Variants in BMP8B observed in about 807,000 individuals in gnomAD.
The protein encoded by BMP8B is bone morphogenetic protein 8b.
A neutral mutation model predicts 30.3 loss-of-function variants in BMP8B; 17 were observed. The ratio of observed to expected loss-of-function variants is 0.56; its 90% CI spans 0.38 to 0.84. BMP8B has a LOEUF of 0.84. BMP8B is among the 40% of genes least tolerant of loss of function. The pLI, the probability that BMP8B is intolerant of heterozygous loss-of-function variation, is 0.00. For missense variants in BMP8B, 253 were observed against 494.6 expected (o/e 0.51, Z 4.63); for synonymous variants, 131 against 214.7 (o/e 0.61, Z 3.41).
chr1:39,778,824 C>T (rs1650414015), intron 1 of BMP8B, among the ~76,000 whole-genome samples: 1 of 152,222 alleles, frequency 6.6e-6, no homozygotes, highest in South Asian at 2.1e-4. Context: ...GACGCATCCT[C>T]TCTTGCCTAT....
In BMP8B at chr1:39,770,575, G is replaced by A. The variant is rs1395063845; in HGVS notation, c.673+3733C>T. 3 of 1,605,602 alleles carry A rather than the reference G, an allele frequency of 1.9e-6. 1 individual carries two copies. The South Asian group carries it at 3.3e-5, about 18-fold the overall frequency. On this transcript the variant is annotated intron_variant, in intron 3 of 6. Transcript: ENST00000372827. ...TGCACATGGGCACGTTGAAATTGCG[G>A]GCGCTTCTCCTGAAGACCACGTTTC... is the stretch of plus-strand genomic sequence containing the variant.
intron 1 of BMP8B, among the ~76,000 whole-genome samples, chr1:39,779,153 AAC>A (rs1275646756): frequency 1.3e-5 from 2 of 152,182 alleles, no homozygotes; most frequent in Non-Finnish European, 2.9e-5. Flanking sequence ...CCCTCCTATC[AAC>A]AGACACCCGA....
At chr1:39,775,220 A>T (rs1650140395) in intron 1 of BMP8B, among the ~76,000 whole-genome samples, 182 bp from the exon 2 acceptor site, 2 of 152,172 alleles carry the variant, frequency 1.3e-5, no homozygotes, top group African/African-American at 4.8e-5. Context: ...CCCGGGGTGT[A>T]GACAGGGCCA....
Position 39,763,206 on chromosome 1 carries a change from G to A in BMP8B, c.949-4C>T, listed in dbSNP as rs762887771. 2.4e-5 allele frequency: 39 copies of A among 1,607,674 alleles called. No homozygotes were observed. Among genetic ancestry groups the A allele is most frequent in the Non-Finnish European group, 3.3e-5 (39 of 1,176,196 alleles). On this transcript the variant is annotated splice_region_variant and splice_polypyrimidine_tract_variant and intron_variant, in intron 5 of 6. Transcript: ENST00000372827. ...CTTGGGGAGCGATGACCCAGTCCTG[G>A]GGGGCAAGGGAGAAGGTGAGTCCCA...
intron 1 of BMP8B, among the ~76,000 whole-genome samples, chr1:39,777,080 C>T (rs752910794): frequency 4.6e-5 from 7 of 152,120 alleles, no homozygotes; most frequent in Admixed American, 6.5e-5. Context: ...TTCTCTCAGG[C>T]GTTGCTGATA....
At position 39,788,616 on chromosome 1, in the gene BMP8B, G is replaced by T; in HGVS notation, c.-131C>A. 1 of 824,082 alleles carries T rather than the reference G, an allele frequency of 1.2e-6. No homozygotes were observed. Among genetic ancestry groups the T allele is most frequent in the Non-Finnish European group, 1.5e-6 (1 of 683,874 alleles). 51.0% of individuals were successfully genotyped at this position (824,082 alleles called of 1,614,324 possible). Reference sequence around the variant, plus strand: ...GGCGGCGGGCGGCGGGGCGGGGCGGGACGGGCGGCGACCGCGGCCTCAGCG... The same window carrying T: ...GGCGGCGGGCGGCGGGGCGGGGCGGTACGGGCGGCGACCGCGGCCTCAGCG... On this transcript the variant is annotated 5_prime_UTR_variant, in exon 1 of 7. Transcript: ENST00000372827. This position sits in a 1 kb window ranked among gnomAD's most constrained non-coding sequence, Gnocchi z 5.8.
At chr1:39,770,381 G>A in intron 3 of BMP8B, 1 of 1,598,888 alleles carries the variant, frequency 6.3e-7, no homozygotes, top group Non-Finnish European at 8.5e-7. Flanking sequence ...TTCCTTTCCA[G>A]CGTCTCCATC....
At chr1:39,771,257 G>T in intron 3 of BMP8B, 1 of 1,512,994 alleles carries the variant, frequency 6.6e-7, no homozygotes, top group East Asian at 2.5e-5. Flanking sequence ...CGCCGCCATA[G>T]TCGGCCCGGG....
Position 39,760,397 on chromosome 1 carries a change from C to T in BMP8B, c.*22G>A, listed in dbSNP as rs1207396538. 4 of 1,612,504 alleles carry T rather than the reference C, an allele frequency of 2.5e-6. No homozygotes were observed. The highest frequency in any genetic ancestry group is 3.4e-6 in the Non-Finnish European group (4 of 1,179,882). On this transcript the variant is annotated 3_prime_UTR_variant, in exon 7 of 7. Transcript: ENST00000372827. ...CCGATCCAGATGAGAAGGGTGGCTGCAGCTGGGCCGGGCGGGTGGACTCAG... is the reference window on the plus strand; with the variant it reads ...CCGATCCAGATGAGAAGGGTGGCTGTAGCTGGGCCGGGCGGGTGGACTCAG...
intron 1 of BMP8B, among the ~76,000 whole-genome samples, chr1:39,783,959 G>C (rs559925020): frequency 6.6e-6 from 1 of 152,168 alleles, no homozygotes; most frequent in Non-Finnish European, 1.5e-5. Flanking sequence ...TACATCACAC[G>C]TTCCCATTCA....
chr1:39,781,411 T>G (rs956640979), intron 1 of BMP8B, among the ~76,000 whole-genome samples: 11 of 152,180 alleles, frequency 7.2e-5, no homozygotes, highest in Non-Finnish European at 1.5e-4. Context: ...AAGCTGACAT[T>G]TATTGAGCAC....
In BMP8B at chr1:39,760,472, C is replaced by T. The variant is rs749563176; in HGVS notation, c.1156G>A (p.Val386Ile). ...SVLYYDSSNN[V>I]ILRKHRNMVV... ...ATGTTGCGGTGCTTGCGCAGGATGA[C>T]ATTGTTGCTGCTGTCATAGTAGAGC... The change falls in exon 7 of 7, where the codon GTC (valine) becomes ATC (isoleucine). Residue 386 changes from valine to isoleucine, a missense_variant. By Grantham distance (29) the Val-to-Ile change is conservative. Coordinates refer to ENST00000372827, the MANE Select transcript of BMP8B (RefSeq NM_001720.5). 1 of 1,614,186 alleles carries T rather than the reference C, an allele frequency of 6.2e-7. No homozygotes were observed. Among genetic ancestry groups the T allele is most frequent in the Non-Finnish European group, 8.5e-7 (1 of 1,180,020 alleles).
chr1:39,764,461 G>C (rs1466394744), intron 4 of BMP8B, among the ~76,000 whole-genome samples, 162 bp downstream of exon 4: 1 of 151,650 alleles, frequency 6.6e-6, no homozygotes, highest in Non-Finnish European at 1.5e-5. Context: ...CCGGTCACCA[G>C]GGTGCATCAG....
chr1:39,788,403 G>T lies in BMP8B; in HGVS notation c.83C>A (p.Pro28Gln). The T allele has an allele frequency of 9.3e-7, 1 of 1,073,518 alleles. No individual in the cohort carries two copies. Among genetic ancestry groups the T allele is most frequent in the Non-Finnish European group, 1.1e-6 (1 of 888,540 alleles). 66.5% of individuals were successfully genotyped at this position (1,073,518 alleles called of 1,614,324 possible). A position where few individuals can be genotyped will look rare whatever the true frequency, so the allele number is the denominator to read the frequency against. ...CAGACGTCGCTGGGGACAGCCGGGC[G>T]GGGGTCGCAGGCCGGGGCCGCCCCC... ...LGGGGPGLRPPPGCPQRRLGA... is the reference protein window; with the variant it reads ...LGGGGPGLRPQPGCPQRRLGA... Residue 28 changes from proline to glutamine, a missense_variant, in exon 1 of 7, where the codon CCG becomes CAG. By Grantham distance (76) the Pro-to-Gln change is moderately conservative. This residue lies in a region of BMP8B where 54 missense variants were observed against 70.8 expected (regional missense o/e 0.76). Transcript: ENST00000372827. The surrounding 1 kb of genome is among the most constrained non-coding windows in gnomAD (Gnocchi z 5.8).
At chr1:39,760,962 G>A (rs72940788) in intron 6 of BMP8B, among the ~76,000 whole-genome samples, 101 of 152,118 alleles carry the variant, frequency 6.6e-4, no homozygotes, top group African/African-American at 2.3e-3. Flanking sequence ...TTGGCCCTTC[G>A]GACCCCCAGA....
intron 1 of BMP8B, among the ~76,000 whole-genome samples, chr1:39,786,536 G>A (rs1810494): frequency 0.027 from 4,072 of 152,330 alleles, 102 homozygotes; most frequent in East Asian, 0.12. Context: ...CCACCAGGCT[G>A]TGCATGCCTT....
chr1:39,776,499 G>A (rs550732954), intron 1 of BMP8B, among the ~76,000 whole-genome samples: 16 of 152,310 alleles, frequency 1.1e-4, no homozygotes, highest in African/African-American at 2.2e-4. Flanking sequence ...CAGGCTGTGC[G>A]GGCCGAGGCG....
rs1648673583 is a variant in BMP8B, at chr1:39,759,617, A to T, written c.*802T>A. ...ACCCAATGCAACCACATGCTTGCTC[A>T]GCAAAGGGAAAACTCCACAGAGCTG... is the stretch of plus-strand genomic sequence containing the variant. On this transcript the variant is annotated 3_prime_UTR_variant, in exon 7 of 7. Transcript: ENST00000372827. 6.6e-6 allele frequency: 1 copy of T among 152,258 alleles called. No individual in the cohort carries two copies. The highest frequency in any genetic ancestry group is 2.1e-4 in the South Asian group (1 of 4,834). 9.4% of individuals were successfully genotyped at this position (152,258 alleles called of 1,614,324 possible).
chr1:39,781,224 T>G (rs1650612981), intron 1 of BMP8B, among the ~76,000 whole-genome samples: 1 of 152,112 alleles, frequency 6.6e-6, no homozygotes, highest in African/African-American at 2.4e-5. Context: ...TGAGTCAACT[T>G]TCTCCACACC....
Sources: allele counts gnomAD v4.1 joint callset (sites outside exome capture counted in the v4.1 genomes callset), GRCh38; gene constraint gnomAD v4.1.1; regional missense constraint gnomAD v4.1.1; non-coding constraint Gnocchi (gnomAD v3.1); transcripts MANE v1.5; gene names NCBI Gene and HGNC (gene_info 2026-07-23, HGNC 2026-07-21).